PRMT1: variants seen among roughly 807,000 people sequenced by gnomAD.
The protein encoded by PRMT1 is protein arginine methyltransferase 1.
Under a neutral mutation model 47.4 loss-of-function variants are expected in PRMT1, and 5 were observed. That is an observed-to-expected ratio of 0.11 (90% confidence interval 0.06 to 0.22). The LOEUF is 0.22. Among genes scored for constraint, PRMT1 ranks in the 10% least tolerant of loss-of-function variants. PRMT1 has a pLI of 1.00. For synonymous variants in PRMT1, 227 were observed against 204.6 expected (o/e 1.11, Z -0.94); for missense variants, 249 against 518.4 (o/e 0.48, Z 5.05).
At chr19:49,678,482 C>A (rs1344132309) in intron 1 of PRMT1, among the ~76,000 whole-genome samples, 1 of 152,102 alleles carries the variant, frequency 6.6e-6, no homozygotes, top group Non-Finnish European at 1.5e-5. Context: ...GAGTGGGAAA[C>A]CCCCTCAGCA....
chr19:49,686,090 C>G lies in PRMT1; in HGVS notation c.760-3C>G. 4 of 1,612,480 alleles carry G rather than the reference C, an allele frequency of 2.5e-6. No homozygotes were observed. Among genetic ancestry groups the G allele is most frequent in the Non-Finnish European group, 3.4e-6 (4 of 1,179,142 alleles). On this transcript the variant is annotated splice_region_variant and splice_polypyrimidine_tract_variant and intron_variant, in intron 8 of 10. Coordinates refer to ENST00000454376, the MANE Select transcript of PRMT1 (RefSeq NM_001536.6). The stretch of plus-strand genomic sequence containing the variant: ...CCGGAGCTCGCCCTCTCATGTCCTG[C>G]AGGAGGTGGACATCTATACCGTCAA...
At position 49,684,740 on chromosome 19, in the gene PRMT1, C is replaced by G. The variant is rs1049536438; in HGVS notation, c.556-14C>G. 1 of 1,550,856 alleles carries G rather than the reference C, an allele frequency of 6.4e-7. No individual in the cohort carries two copies. Reference sequence around the variant, plus strand: ...CAGGCCCCACCCTTCATGCCTCGCCCTGCCCCTCTGTAGGCGCCCGATGGC... The same window carrying G: ...CAGGCCCCACCCTTCATGCCTCGCCGTGCCCCTCTGTAGGCGCCCGATGGC... On this transcript the variant is annotated splice_polypyrimidine_tract_variant and intron_variant, in intron 6 of 10. Transcript: ENST00000454376. The surrounding 1 kb of genome is among the most constrained non-coding windows in gnomAD (Gnocchi z 6.2).
At position 49,681,370 on chromosome 19, in the gene PRMT1, G is replaced by T. The variant is rs1599941712; in HGVS notation, c.193-540G>T. Among the ~76,000 whole-genome samples, 1 of 152,182 alleles carries T rather than the reference G, an allele frequency of 6.6e-6. No homozygotes were observed. The highest frequency in any genetic ancestry group is 2.1e-4 in the South Asian group (1 of 4,832). Reference sequence around the variant, plus strand: ...AGCCTGAGGACTTTTAAAAGCCAGGGTTCACTGGTTCTTAGGTAGCAGTGG... The same window carrying T: ...AGCCTGAGGACTTTTAAAAGCCAGGTTTCACTGGTTCTTAGGTAGCAGTGG... On this transcript the variant is annotated intron_variant, in intron 3 of 10. Coordinates refer to ENST00000454376, the MANE Select transcript of PRMT1 (RefSeq NM_001536.6). This position sits in a 1 kb window ranked among gnomAD's most constrained non-coding sequence, Gnocchi z 4.4.
intron 10 of PRMT1, among the ~76,000 whole-genome samples, chr19:49,687,514 G>GCCC (rs398034947): frequency 2.9e-4 from 38 of 132,512 alleles, no homozygotes; most frequent in Non-Finnish European, 5.2e-4. Flanking sequence ...TCCGCTCCCC[G>GCCC]CCCCCCCCCA....
At chr19:49,683,860 C>T (rs2082162074) in intron 5 of PRMT1, 67 bp from the exon 6 acceptor site, 12 of 1,562,804 alleles carry the variant, frequency 7.7e-6, no homozygotes, top group Non-Finnish European at 9.5e-6. Context: ...GGCTCTAGCC[C>T]CCGGGGGAGG....
rs754662339 is a variant in PRMT1 at position 49,686,183 on chromosome 19, C to T, written c.850C>T (p.Leu284=). Residue 284 remains leucine, a synonymous_variant, in exon 9 of 11, where the codon CTG becomes TTG. Coordinates refer to ENST00000454376, the MANE Select transcript of PRMT1 (RefSeq NM_001536.6). ...GAAGCGGAATGACTACGTGCACGCC[C>T]TGGTGGCCTACTTCAACATCGAGTT... The part of the protein sequence containing the change: ...QVKRNDYVHA[L]VAYFNIEFTR... The T allele has an allele frequency of 6.2e-7, 1 of 1,613,876 alleles. No individual in the cohort carries two copies. The highest frequency in any genetic ancestry group is 8.5e-7 in the Non-Finnish European group (1 of 1,179,876).
Position 49,686,707 on chromosome 19 carries a change from G to A in PRMT1, c.1013G>A (p.Arg338Gln), listed in dbSNP as rs764874693. The part of the protein sequence containing the change: ...GEEIFGTIGM[R>Q]PNAKNNRDLD... ...GAGATCTTCGGCACCATCGGCATGC[G>A]GCCCAACGCCAAGAACAACGTGAGG... Residue 338 changes from arginine to glutamine, a missense_variant, in exon 10 of 11, where the codon CGG becomes CAG. Coordinates refer to ENST00000454376, the MANE Select transcript of PRMT1 (RefSeq NM_001536.6). 4 of 1,610,940 alleles carry A rather than the reference G, an allele frequency of 2.5e-6. No individual in the cohort carries two copies. Among genetic ancestry groups the A allele is most frequent in the Admixed American group, 3.3e-5 (2 of 59,848 alleles).
chr19:49,680,333 G>A lies in PRMT1; in HGVS notation c.91-154G>A. ...GGGGTTGTTAGGTTTTGGGGTTCCTGGGGGGGCAAGATGGCAGGCGGGGGC... is the reference window on the plus strand; with the variant it reads ...GGGGTTGTTAGGTTTTGGGGTTCCTAGGGGGGCAAGATGGCAGGCGGGGGC... On this transcript the variant is annotated intron_variant, in intron 2 of 10. Coordinates refer to ENST00000454376, the MANE Select transcript of PRMT1 (RefSeq NM_001536.6). This position sits in a 1 kb window ranked among gnomAD's most constrained non-coding sequence, Gnocchi z 4.2. 8.5e-7 allele frequency: 1 copy of A among 1,181,662 alleles called. No individual in the cohort carries two copies. The highest frequency in any genetic ancestry group is 1.3e-5 in the South Asian group (1 of 79,364). 73.2% of individuals were successfully genotyped at this position (1,181,662 alleles called of 1,614,324 possible).
intron 10 of PRMT1, among the ~76,000 whole-genome samples, chr19:49,687,668 C>CG (rs2082229300): frequency 6.6e-6 from 1 of 152,060 alleles, no homozygotes; most frequent in South Asian, 2.1e-4. Context: ...ATGCAGCCCC[C>CG]GGGACCACGG....
Position 49,688,308 on chromosome 19 carries a change from C to T in PRMT1, c.*63C>T, listed in dbSNP as rs1273977444. 5.9e-6 allele frequency: 9 copies of T among 1,514,168 alleles called. No individual in the cohort carries two copies. In the Admixed American group the frequency reaches 1.2e-4, roughly 20 times the overall value. 93.8% of individuals were successfully genotyped at this position (1,514,168 alleles called of 1,614,324 possible). A position where few individuals can be genotyped will look rare whatever the true frequency, so the allele number is the denominator to read the frequency against. ...AGCGTTCCTAGGCGGTTTCGGGGCTCCCCCTTCCTCTCCCTCCCTCCCGCA... is the reference window on the plus strand; with the variant it reads ...AGCGTTCCTAGGCGGTTTCGGGGCTTCCCCTTCCTCTCCCTCCCTCCCGCA... On this transcript the variant is annotated 3_prime_UTR_variant, in exon 11 of 11. Coordinates refer to ENST00000454376, the MANE Select transcript of PRMT1 (RefSeq NM_001536.6). The surrounding 1 kb of genome is among the most constrained non-coding windows in gnomAD (Gnocchi z 5.3).
intron 9 of PRMT1, 97 bp from the exon 10 acceptor site, chr19:49,686,508 C>A: frequency 7.5e-7 from 1 of 1,329,286 alleles, no homozygotes. Flanking sequence ...GCAGTCCCAT[C>A]AGCTGTCATG....
chr19:49,681,779 A>T lies in PRMT1; in HGVS notation c.193-131A>T. Reference sequence around the variant, plus strand: ...TAAAAATAAATAAATGAATAAATATAAAAGGGAAACTGAGGTGCATGGAAG... The same window carrying T: ...TAAAAATAAATAAATGAATAAATATTAAAGGGAAACTGAGGTGCATGGAAG... On this transcript the variant is annotated intron_variant, in intron 3 of 10. Coordinates refer to ENST00000454376, the MANE Select transcript of PRMT1 (RefSeq NM_001536.6). This position sits in a 1 kb window ranked among gnomAD's most constrained non-coding sequence, Gnocchi z 4.4. 1 of 606,362 alleles carries T rather than the reference A, an allele frequency of 1.6e-6. No homozygotes were observed. The highest frequency in any genetic ancestry group is 2.5e-6 in the Non-Finnish European group (1 of 404,564). 37.6% of individuals were successfully genotyped at this position (606,362 alleles called of 1,614,324 possible).
intron 1 of PRMT1, chr19:49,677,583 C>T: frequency 2.7e-6 from 1 of 365,186 alleles, no homozygotes; most frequent in Non-Finnish European, 4.9e-6. Flanking sequence ...CAGGCCCCCA[C>T]GTGGCCGCTG....
At position 49,681,195 on chromosome 19, in the gene PRMT1, G is replaced by A. The variant is rs1338817642; in HGVS notation, c.192+607G>A. On this transcript the variant is annotated intron_variant, in intron 3 of 10. Transcript: ENST00000454376. The surrounding 1 kb of genome is among the most constrained non-coding windows in gnomAD (Gnocchi z 4.4). The stretch of plus-strand genomic sequence containing the variant: ...TTTCGGAGTAGCTGGGACCACAGGC[G>A]CGCGCCACCACGCCCAGCTGATGTT... Among the ~76,000 whole-genome samples the A allele has an allele frequency of 1.3e-5, 2 of 152,104 alleles. No homozygotes were observed. The highest frequency in any genetic ancestry group is 1.9e-4 in the East Asian group (1 of 5,166).
rs757113172 is a variant in PRMT1, at chr19:49,680,599, A to G, written c.192+11A>G. The G allele has an allele frequency of 6.3e-7, 1 of 1,594,860 alleles. No homozygotes were observed. Among genetic ancestry groups the G allele is most frequent in the African/African-American group, 1.3e-5 (1 of 74,606 alleles). On this transcript the variant is annotated intron_variant, in intron 3 of 10. Transcript: ENST00000454376. This position sits in a 1 kb window ranked among gnomAD's most constrained non-coding sequence, Gnocchi z 4.2. ...TTTGGCATCCACGAGGTCAGTGGGG[A>G]CAGTCCCCAAGGCCCCAATCTTAGG...
Position 49,680,532 on chromosome 19 carries a change from G to A in PRMT1, c.136G>A (p.Asp46Asn). The change falls in exon 3 of 11, where the codon GAC becomes AAC. Residue 46 changes from aspartate to asparagine, a missense_variant. Transcript: ENST00000454376. This position sits in a 1 kb window ranked among gnomAD's most constrained non-coding sequence, Gnocchi z 4.2. ...AESSEKPNAE[D>N]MTSKDYYFDS... is the part of the protein sequence containing the mutation. ...AAGCAGTGAGAAGCCCAACGCTGAGGACATGACATCCAAAGATTACTACTT... is the reference window on the plus strand; with the variant it reads ...AAGCAGTGAGAAGCCCAACGCTGAGAACATGACATCCAAAGATTACTACTT... The A allele has an allele frequency of 6.2e-7, 1 of 1,614,112 alleles. No individual in the cohort carries two copies. The highest frequency in any genetic ancestry group is 8.5e-7 in the Non-Finnish European group (1 of 1,180,014).
At position 49,680,034 on chromosome 19, in the gene PRMT1, C is replaced by G; in HGVS notation, c.90+109C>G. On this transcript the variant is annotated intron_variant, in intron 2 of 10. Transcript: ENST00000454376. The surrounding 1 kb of genome is among the most constrained non-coding windows in gnomAD (Gnocchi z 4.2). ...CTAACCATACCCCTCTTGCTTCAAA[C>G]CAGTTTACCCCAGGCCCCCAGACAC... is the stretch of plus-strand genomic sequence containing the variant. The G allele has an allele frequency of 8.0e-7, 1 of 1,250,906 alleles. No homozygotes were observed. Among genetic ancestry groups the G allele is most frequent in the Non-Finnish European group, 1.1e-6 (1 of 874,782 alleles). The allele number at this position is 1,250,906 out of a possible 1,614,324, so 77.5% of individuals were successfully genotyped here.
At chr19:49,682,375 C>T (rs759725210) in intron 5 of PRMT1, 116 bp downstream of exon 5, 3 of 1,139,138 alleles carry the variant, frequency 2.6e-6, no homozygotes, top group Admixed American at 4.3e-5. Flanking sequence ...CAGCTCCCAA[C>T]CCATGGTCTT....
intron 5 of PRMT1, 52 bp downstream of exon 5, chr19:49,682,311 C>G (rs564813960): frequency 6.4e-7 from 1 of 1,567,402 alleles, no homozygotes; most frequent in African/African-American, 1.4e-5. Context: ...TGATGCCCTG[C>G]TTCCCCAGGG....
Sources: allele counts gnomAD v4.1 joint callset (sites outside exome capture counted in the v4.1 genomes callset), GRCh38; gene constraint gnomAD v4.1.1; non-coding constraint Gnocchi (gnomAD v3.1); transcripts MANE v1.5; gene names NCBI Gene and HGNC (gene_info 2026-07-23, HGNC 2026-07-21).